The following MADD variants were observed in gnomAD, a reference collection of about 807,000 sequenced individuals.
MADD encodes MAP kinase activating death domain.
Under a neutral mutation model 176.7 loss-of-function variants are expected in MADD, and 109 were observed. The observed-to-expected ratio is 0.62, with a 90% confidence interval of 0.53 to 0.72. The LOEUF (loss-of-function observed/expected upper bound fraction) is 0.72. Ranked by LOEUF, MADD falls within the 30% of genes least tolerant of loss-of-function variation. MADD has a pLI of 0.00. For synonymous variants in MADD, 771 were observed against 771.3 expected, an observed-to-expected ratio of 1.00 and a Z score of 0.01; for missense variants, 1,914 against 2,045.5, an observed-to-expected ratio of 0.94 and a Z score of 1.24.
Position 47,283,490 on chromosome 11 carries a change from C to G in MADD, c.1862+521C>G, listed in dbSNP as rs563646618. 5.4e-3 allele frequency among the ~76,000 whole-genome samples: 817 copies of G among 152,198 alleles called. 7 individuals carry two copies. The highest frequency in any genetic ancestry group is 0.024 in the Middle Eastern group (7 of 294). ...CGTCTCAGCTCACTGCAAGTTCTCC[C>G]TCCCAGGTTCAAGTGATTCTCCTGC... is the stretch of plus-strand genomic sequence containing the variant. On this transcript the variant is annotated intron_variant, in intron 10 of 32. Transcript: ENST00000402192.
At chr11:47,274,926 G>A in exon 3 of MADD, 1 of 1,613,852 alleles carries the variant, frequency 6.2e-7, no homozygotes, top group Non-Finnish European at 8.5e-7. Flanking sequence ...GCTCATCCCT[G>A]CAGCCTCTCA....
intron 22 of MADD, among the ~76,000 whole-genome samples, 180 bp from the exon 25 acceptor site, chr11:47,308,411 G>T (rs772150928): frequency 1.3e-5 from 2 of 152,242 alleles, no homozygotes; most frequent in Non-Finnish European, 2.9e-5. Context: ...AAACTTTATT[G>T]TATAGTTTAG....
chr11:47,324,653 TC>T, intron 30 of MADD, 76 bp downstream of exon 33: 1 of 985,736 alleles, frequency 1.0e-6, no homozygotes, highest in Non-Finnish European at 1.6e-6. Flanking sequence ...CCCCAGTACT[TC>T]CCCAGCAAGC....
chr11:47,315,245 C>A (rs1454229038), exon 27 of MADD: 2 of 1,613,364 alleles, frequency 1.2e-6, no homozygotes, highest in South Asian at 1.1e-5. Flanking sequence ...TCTATCTGGT[C>A]CAGTGGCAGC....
exon 26 of MADD, chr11:47,311,765 C>T (rs1267574596): frequency 3.7e-6 from 6 of 1,613,536 alleles, no homozygotes; most frequent in Non-Finnish European, 5.1e-6. Flanking sequence ...GAAGGTGAGG[C>T]GCCTAATGGG....
chr11:47,327,266 A>T, intron 31 of MADD: 1 of 994,482 alleles, frequency 1.0e-6, no homozygotes, highest in Non-Finnish European at 1.2e-6. Context: ...CGGGCGTCGC[A>T]GGCAGACTCA....
chr11:47,294,669 CAAAAAAAAAAA>C (rs58253961), intron 20 of MADD, among the ~76,000 whole-genome samples: 2 of 56,032 alleles, frequency 3.6e-5, no homozygotes, highest in East Asian at 4.7e-4. Flanking sequence ...GACTCCGTCT[CAAAAAAAAAAA>C]AAAAAAAAAA....
intron 27 of MADD, among the ~76,000 whole-genome samples, chr11:47,315,609 G>C (rs2092584644): frequency 6.6e-6 from 1 of 151,562 alleles, no homozygotes; most frequent in East Asian, 1.9e-4. Flanking sequence ...CAAGTAGCTG[G>C]GATTACAGGC....
intron 5 of MADD, 98 bp from the exon 6 acceptor site, chr11:47,278,067 G>A (rs2052241805): frequency 3.7e-6 from 3 of 805,852 alleles, no homozygotes; most frequent in African/African-American, 1.7e-5. Context: ...TTGGAAGAGG[G>A]ATTGTATCTG....
At chr11:47,327,133 G>A (rs1490742043) in intron 31 of MADD, 2 of 1,065,884 alleles carry the variant, frequency 1.9e-6, no homozygotes, top group South Asian at 3.6e-5. Context: ...GCAGACTGGC[G>A]ACCCCCAAGC....
At chr11:47,290,392 C>A in intron 18 of MADD, 93 bp downstream of exon 19, 1 of 1,480,146 alleles carries the variant, frequency 6.8e-7, no homozygotes. Flanking sequence ...ACACGTTTCC[C>A]AGTGCCACGC....
chr11:47,294,079 G>T, intron 20 of MADD, 96 bp downstream of exon 22: 1 of 1,027,618 alleles, frequency 9.7e-7, no homozygotes, highest in Non-Finnish European at 1.5e-6. Flanking sequence ...GCCGGGCACA[G>T]TGGCTCATGC....
intron 30 of MADD, among the ~76,000 whole-genome samples, chr11:47,326,165 T>C (rs1408339010): frequency 2.6e-5 from 4 of 152,152 alleles, no homozygotes; most frequent in Non-Finnish European, 4.4e-5. Context: ...CTGTGTCACG[T>C]AGTAGGTGCA....
chr11:47,276,898 C>T, intron 5 of MADD, 35 bp downstream of exon 5: 1 of 1,611,046 alleles, frequency 6.2e-7, no homozygotes, highest in Non-Finnish European at 8.5e-7. Flanking sequence ...TTTCTCACCT[C>T]TGTCTTCCTG....
chr11:47,296,090 C>G, intron 22 of MADD, 35 bp downstream of exon 24: 1 of 1,602,718 alleles, frequency 6.2e-7, no homozygotes, highest in Non-Finnish European at 8.5e-7. Flanking sequence ...AAAACCATTT[C>G]TTTAATGGGG....
chr11:47,278,283 G>A lies in MADD; in HGVS notation c.1209+5G>A. On this transcript the variant is annotated splice_donor_5th_base_variant and intron_variant, in intron 6 of 32. Coordinates refer to ENST00000402192, the Ensembl canonical transcript of MADD. The stretch of plus-strand genomic sequence containing the variant: ...GTGGATCTGGACAGCAATAGGGTGA[G>A]GTTCTTGGCTGAGGCATTGTAGAGT... 6.2e-7 allele frequency: 1 copy of A among 1,602,038 alleles called. No individual in the cohort carries two copies.
chr11:47,325,089 G>A lies in MADD; in HGVS notation c.4542+512G>A, dbSNP rs182643398. 98 of 284,562 alleles carry A rather than the reference G, an allele frequency of 3.4e-4. No individual in the cohort carries two copies. In the East Asian group the frequency reaches 4.8e-3, roughly 14 times the overall value. 17.6% of individuals were successfully genotyped at this position (284,562 alleles called of 1,614,324 possible). On this transcript the variant is annotated intron_variant, in intron 30 of 32. Coordinates refer to ENST00000402192, the Ensembl canonical transcript of MADD. This position sits in a 1 kb window ranked among gnomAD's most constrained non-coding sequence, Gnocchi z 4.5. ...GTGTTTATTTGCCTTTTTCTTCTGCGGATTCTTCTTCCTGTTCTTTTCCTT... is the reference window on the plus strand; with the variant it reads ...GTGTTTATTTGCCTTTTTCTTCTGCAGATTCTTCTTCCTGTTCTTTTCCTT...
At chr11:47,273,943 G>T in exon 2 of MADD, 7 of 1,613,994 alleles carry the variant, frequency 4.3e-6, no homozygotes, top group Non-Finnish European at 5.9e-6. Flanking sequence ...TTCTGTCCTC[G>T]GTTACTTGAC....
chr11:47,278,006 CA>C (rs2052136612), intron 5 of MADD, among the ~76,000 whole-genome samples, 158 bp from the exon 6 acceptor site: 1 of 152,192 alleles, frequency 6.6e-6, no homozygotes, highest in African/African-American at 2.4e-5. Context: ...TGTTACCTTT[CA>C]AAAAATCTGA....
Sources: allele counts gnomAD v4.1 joint callset (sites outside exome capture counted in the v4.1 genomes callset), GRCh38; gene constraint gnomAD v4.1.1; non-coding constraint Gnocchi (gnomAD v3.1); transcripts MANE v1.5; gene names NCBI Gene and HGNC (gene_info 2026-07-23, HGNC 2026-07-21).